The following OSBP2 variants were observed in gnomAD, a reference collection of about 807,000 sequenced individuals.
OSBP2 encodes the protein oxysterol-binding protein 2.
In OSBP2, 66 loss-of-function variants were observed where a neutral mutation model predicts 96.0. The observed-to-expected ratio is 0.69, with a 90% CI of 0.56 to 0.84. The LOEUF (loss-of-function observed/expected upper bound fraction) is 0.84. OSBP2 is among the 40% of genes least tolerant of loss of function. OSBP2 has a pLI of 0.00. For synonymous variants in OSBP2, 525 were observed against 520.9 expected, an observed-to-expected ratio of 1.01 and a Z score of -0.11; for missense variants, 1,038 against 1,222.7, an observed-to-expected ratio of 0.85 and a Z score of 2.25.
intron 2 of OSBP2, among the ~76,000 whole-genome samples, chr22:30,855,781 G>A (rs1181727364): frequency 1.3e-5 from 2 of 152,232 alleles, no homozygotes; most frequent in African/African-American, 4.8e-5. Context: ...CCATTATTGA[G>A]TTAATCTGAA....
At chr22:30,733,165 G>A (rs1336631165) in intron 1 of OSBP2, among the ~76,000 whole-genome samples, 2 of 152,220 alleles carry the variant, frequency 1.3e-5, no homozygotes, top group Non-Finnish European at 1.5e-5. Context: ...GGAGGGTTCC[G>A]TGTTGGTTTC....
intron 2 of OSBP2, among the ~76,000 whole-genome samples, chr22:30,809,177 C>T (rs1156671693): frequency 5.9e-5 from 9 of 152,172 alleles, no homozygotes; most frequent in Admixed American, 1.3e-4. Context: ...TTTAGACATC[C>T]GGCCTCCAGA....
intron 2 of OSBP2, among the ~76,000 whole-genome samples, chr22:30,861,145 G>C (rs940605698): frequency 3.0e-4 from 45 of 152,170 alleles, no homozygotes; most frequent in African/African-American, 1.1e-3. Context: ...CGGCCCGGGG[G>C]TATTGGGAAG....
chr22:30,701,957 A>G (rs2089170018), intron 1 of OSBP2, among the ~76,000 whole-genome samples: 1 of 152,174 alleles, frequency 6.6e-6, no homozygotes, highest in Non-Finnish European at 1.5e-5. Flanking sequence ...CTAGCAGCAT[A>G]TTTTGGAGGA....
chr22:30,885,133 C>T (rs915271719), intron 3 of OSBP2, among the ~76,000 whole-genome samples: 1 of 152,182 alleles, frequency 6.6e-6, no homozygotes, highest in Non-Finnish European at 1.5e-5. Context: ...CCCTGTGTCA[C>T]AGGTGAGGAC....
At chr22:30,895,284 A>C (rs1199610498) in intron 12 of OSBP2, among the ~76,000 whole-genome samples, 1 of 152,184 alleles carries the variant, frequency 6.6e-6, no homozygotes, top group Non-Finnish European at 1.5e-5. Flanking sequence ...AAAAACAAAG[A>C]GGGAGATAAA....
chr22:30,779,438 A>T (rs529244329), intron 2 of OSBP2, among the ~76,000 whole-genome samples: 55 of 152,246 alleles, frequency 3.6e-4, no homozygotes, highest in African/African-American at 1.3e-3. Flanking sequence ...TATAATATAC[A>T]TAAAGTGTAA....
At chr22:30,782,881 C>T (rs1463674584) in intron 2 of OSBP2, among the ~76,000 whole-genome samples, 1 of 152,150 alleles carries the variant, frequency 6.6e-6, no homozygotes, top group African/African-American at 2.4e-5. Context: ...TTCCCATAAG[C>T]AGTGTGACAA....
chr22:30,698,447 T>C (rs997576992), intron 1 of OSBP2, among the ~76,000 whole-genome samples: 2 of 151,420 alleles, frequency 1.3e-5, no homozygotes, highest in African/African-American at 4.9e-5. Flanking sequence ...CTTTTTCTTT[T>C]TTTTTTTTTT....
chr22:30,899,014 A>C (rs1202177509), intron 12 of OSBP2, among the ~76,000 whole-genome samples: 3 of 152,116 alleles, frequency 2.0e-5, no homozygotes, highest in African/African-American at 7.2e-5. Context: ...AAAAAGGTTT[A>C]ATGTGACATA....
chr22:30,793,598 C>A (rs950679597), intron 2 of OSBP2, among the ~76,000 whole-genome samples: 1 of 152,156 alleles, frequency 6.6e-6, no homozygotes, highest in East Asian at 1.9e-4. Context: ...CCAGCCTGGG[C>A]AACATGACAA....
At chr22:30,700,350 T>C (rs2089136639) in intron 1 of OSBP2, among the ~76,000 whole-genome samples, 1 of 152,078 alleles carries the variant, frequency 6.6e-6, no homozygotes, top group Non-Finnish European at 1.5e-5. Context: ...GGAATATGGT[T>C]TTTTGTTCAA....
At chr22:30,902,610 G>A (rs2040239393) in intron 12 of OSBP2, 6 of 686,662 alleles carry the variant, frequency 8.7e-6, no homozygotes, top group African/African-American at 1.8e-5. Context: ...TCCCTTCCAC[G>A]ATCCAACATG....
At chr22:30,758,448 T>A (rs888141081) in intron 2 of OSBP2, among the ~76,000 whole-genome samples, 2 of 152,088 alleles carry the variant, frequency 1.3e-5, no homozygotes, top group Non-Finnish European at 2.9e-5. Flanking sequence ...GAGCAGCTAT[T>A]TGAGCACCCT....
At chr22:30,858,624 A>G (rs2039136594) in intron 2 of OSBP2, among the ~76,000 whole-genome samples, 1 of 150,816 alleles carries the variant, frequency 6.6e-6, no homozygotes, top group South Asian at 2.1e-4. Context: ...CACACCTGTA[A>G]TCCCAGTACT....
chr22:30,892,267 C>T (rs145166410), intron 8 of OSBP2, among the ~76,000 whole-genome samples: 5 of 152,128 alleles, frequency 3.3e-5, no homozygotes, highest in Non-Finnish European at 5.9e-5. Flanking sequence ...GAGGTATAGG[C>T]GAGGAGGAGG....
chr22:30,700,722 G>T (rs1011869170), intron 1 of OSBP2, among the ~76,000 whole-genome samples: 1 of 152,082 alleles, frequency 6.6e-6, no homozygotes, highest in Admixed American at 6.6e-5. Context: ...AAGCCAGTTA[G>T]CAAGGAATGC....
At chr22:30,716,518 A>C (rs1457732549) in intron 1 of OSBP2, among the ~76,000 whole-genome samples, 6 of 150,790 alleles carry the variant, frequency 4.0e-5, no homozygotes, top group Admixed American at 3.3e-4. Flanking sequence ...GCTCACTGCA[A>C]CCTCCGCCTC....
intron 3 of OSBP2, among the ~76,000 whole-genome samples, chr22:30,874,454 A>C (rs2039533466): frequency 1.3e-5 from 2 of 152,128 alleles, no homozygotes; most frequent in African/African-American, 4.8e-5. Context: ...GGTGATTTCT[A>C]AATTTCTTTC....
Sources: allele counts gnomAD v4.1 joint callset (sites outside exome capture counted in the v4.1 genomes callset), GRCh38; gene constraint gnomAD v4.1.1; transcripts MANE v1.5; gene names NCBI Gene and HGNC (gene_info 2026-07-23, HGNC 2026-07-21).